Variants in DIAPH1 observed in about 807,000 individuals in gnomAD.
DIAPH1 encodes the protein diaphanous related formin 1.
DIAPH1 carries 46 observed loss-of-function variants against 140.7 expected under a neutral mutation model. The ratio of observed to expected loss-of-function variants is 0.33; its 90% CI spans 0.26 to 0.42. The LOEUF (loss-of-function observed/expected upper bound fraction) is 0.42, where lower values mean the gene tolerates loss of function less well. Ranked by LOEUF, DIAPH1 falls within the 10% of genes least tolerant of loss-of-function variation. The pLI, the probability that DIAPH1 is intolerant of heterozygous loss-of-function variation, is 1.00. For synonymous variants in DIAPH1, 565 were observed against 551.6 expected (o/e 1.02, Z -0.34); for missense variants, 1,310 against 1,558.7 (o/e 0.84, Z 2.69).
At chr5:141,526,572 A>G in intron 24 of DIAPH1, 111 bp from the exon 25 acceptor site, 1 of 1,335,774 alleles carries the variant, frequency 7.5e-7, no homozygotes, top group Non-Finnish European at 1.1e-6. Context: ...TGTTCAATAC[A>G]GCACTGTTTA....
Position 141,524,049 on chromosome 5 carries a change from G to A in DIAPH1, c.3661+94C>T, listed in dbSNP as rs952414113. 3.9e-6 allele frequency: 4 copies of A among 1,035,196 alleles called. No homozygotes were observed. The African/African-American group carries it at 4.7e-5, about 12-fold the overall frequency. 64.1% of individuals were successfully genotyped at this position (1,035,196 alleles called of 1,614,324 possible). On this transcript the variant is annotated intron_variant, in intron 27 of 27. Coordinates refer to ENST00000389054, the MANE Select transcript of DIAPH1 (RefSeq NM_005219.5). ...GATGCAGGGACTAAAAAGATGCTTA[G>A]AGCATCATTATTTGCTCTTTAGCCG...
intron 18 of DIAPH1, among the ~76,000 whole-genome samples, chr5:141,553,358 G>T (rs1596360220): frequency 1.4e-5 from 2 of 147,868 alleles, no homozygotes; most frequent in Admixed American, 1.4e-4. Context: ...AAACAGTCTC[G>T]GCCGGGCATG....
intron 1 of DIAPH1, among the ~76,000 whole-genome samples, chr5:141,605,536 G>C (rs1466408873): frequency 6.6e-6 from 1 of 152,150 alleles, no homozygotes; most frequent in Non-Finnish European, 1.5e-5. Context: ...GTGGTATTTT[G>C]CTTAAGGAAA....
At chr5:141,607,629 C>T (rs1222298786) in intron 1 of DIAPH1, among the ~76,000 whole-genome samples, 1 of 152,286 alleles carries the variant, frequency 6.6e-6, no homozygotes, top group African/African-American at 2.4e-5. Flanking sequence ...CCTTAAAGCC[C>T]TTACCAGGGA....
chr5:141,577,986 CT>C (rs1269326480), intron 11 of DIAPH1: 1 of 590,672 alleles, frequency 1.7e-6, no homozygotes, highest in African/African-American at 1.9e-5. Context: ...GAAGTTTACA[CT>C]GATTTTGATG....
intron 19 of DIAPH1, among the ~76,000 whole-genome samples, chr5:141,532,920 G>C (rs2099888454): frequency 6.6e-6 from 1 of 152,198 alleles, no homozygotes; most frequent in Non-Finnish European, 1.5e-5. Context: ...CTCTTGGGAA[G>C]AGGAACTGAC....
rs934182700 is a variant in DIAPH1, at chr5:141,572,053, G to A, written c.2359-13C>T. The A allele has an allele frequency of 1.9e-6, 3 of 1,586,088 alleles. No homozygotes were observed. The highest frequency in any genetic ancestry group is 2.6e-6 in the Non-Finnish European group (3 of 1,154,434). ...CCTCAGCCACAAGCTGTGGATAAAG[G>A]CAGGGTGTTAAGAATTAGTAAACTG... On this transcript the variant is annotated splice_polypyrimidine_tract_variant and intron_variant, in intron 16 of 27. Coordinates refer to ENST00000389054, the MANE Select transcript of DIAPH1 (RefSeq NM_005219.5).
chr5:141,529,786 TAACAG>T (rs2099887920), intron 19 of DIAPH1, 89 bp from the exon 20 acceptor site: 1 of 1,201,424 alleles, frequency 8.3e-7, no homozygotes, highest in South Asian at 1.2e-5. Context: ...ATAATCTTCC[TAACAG>T]GGCTCTTTTA....
At chr5:141,595,695 C>A (rs2099899206) in intron 1 of DIAPH1, among the ~76,000 whole-genome samples, 1 of 152,122 alleles carries the variant, frequency 6.6e-6, no homozygotes. Flanking sequence ...GAGGCCTTCC[C>A]AGCAATGCAG....
At chr5:141,522,654 T>A (rs1344587183) in intron 27 of DIAPH1, among the ~76,000 whole-genome samples, 1 of 150,104 alleles carries the variant, frequency 6.7e-6, no homozygotes, top group Admixed American at 6.6e-5. Context: ...TAAGGCCACA[T>A]CACCTTGTGT....
intron 1 of DIAPH1, among the ~76,000 whole-genome samples, chr5:141,602,366 T>C (rs2099900284): frequency 1.3e-5 from 2 of 152,230 alleles, no homozygotes; most frequent in Admixed American, 6.6e-5. Context: ...CAGGCGCCCA[T>C]CACCTCACTC....
chr5:141,534,439 A>G lies in DIAPH1; in HGVS notation c.2483-6T>C. The stretch of plus-strand genomic sequence containing the variant: ...ACCTTCTTGATCCTTCTTGGCTAGC[A>G]GGGAAAAGATTAGAAAAGCATGATT... On this transcript the variant is annotated splice_polypyrimidine_tract_variant and splice_region_variant and intron_variant, in intron 18 of 27. Transcript: ENST00000389054. 1 of 1,612,132 alleles carries G rather than the reference A, an allele frequency of 6.2e-7. No individual in the cohort carries two copies. Among genetic ancestry groups the G allele is most frequent in the Non-Finnish European group, 8.5e-7 (1 of 1,178,906 alleles).
At chr5:141,606,065 A>G (rs1442597807) in intron 1 of DIAPH1, among the ~76,000 whole-genome samples, 1 of 152,204 alleles carries the variant, frequency 6.6e-6, no homozygotes, top group Non-Finnish European at 1.5e-5. Flanking sequence ...ATGCAAAATG[A>G]AATAATTTTA....
chr5:141,540,705 T>C (rs988981332), intron 18 of DIAPH1, among the ~76,000 whole-genome samples: 2 of 150,776 alleles, frequency 1.3e-5, no homozygotes, highest in Non-Finnish European at 3.0e-5. Context: ...CATGAGCCAC[T>C]GCACCTGGTC....
At chr5:141,557,233 C>A (rs964215048) in intron 18 of DIAPH1, among the ~76,000 whole-genome samples, 1 of 152,084 alleles carries the variant, frequency 6.6e-6, no homozygotes, top group East Asian at 1.9e-4. Flanking sequence ...TAATTATCTT[C>A]TTTTAAAAGT....
intron 18 of DIAPH1, among the ~76,000 whole-genome samples, chr5:141,551,175 C>A (rs1012956970): frequency 6.6e-6 from 1 of 152,232 alleles, no homozygotes; most frequent in Non-Finnish European, 1.5e-5. Flanking sequence ...CTGGGCCGGG[C>A]TCAGTGGCTT....
chr5:141,542,419 TG>T (rs1163795664), intron 18 of DIAPH1, among the ~76,000 whole-genome samples: 1 of 147,222 alleles, frequency 6.8e-6, no homozygotes, highest in East Asian at 2.0e-4. Context: ...GGCAACAGAG[TG>T]GGACTCTGTC....
At position 141,573,521 on chromosome 5, in the gene DIAPH1, C is replaced by T; in HGVS notation, c.2329G>A (p.Val777Met). The change falls in exon 16 of 28, where the codon GTG becomes ATG. Residue 777 changes from valine (V) to methionine (M), a missense_variant. Physicochemically the swap from Val to Met is conservative, Grantham distance 21 (BLOSUM62 1). This residue lies in a region of DIAPH1 where 589 missense variants were observed against 549.3 expected (regional missense o/e 1.07). Transcript: ENST00000389054. Reference protein sequence around the residue: ...LTPKKLYKPEVQLRRPNWSKL... With the variant: ...LTPKKLYKPEMQLRRPNWSKL... ...GACCAGTTTGGCCTCCGGAGCTGCA[C>T]CTCTGGCTTATAAAGCTTTTTGGGG... 6.2e-7 allele frequency: 1 copy of T among 1,613,274 alleles called. No homozygotes were observed. The highest frequency in any genetic ancestry group is 1.1e-5 in the South Asian group (1 of 91,046).
intron 1 of DIAPH1, among the ~76,000 whole-genome samples, chr5:141,602,416 C>T (rs754307061): frequency 6.6e-6 from 1 of 152,096 alleles, no homozygotes; most frequent in Admixed American, 6.6e-5. Flanking sequence ...GGGGTTTCAC[C>T]GTATTAGCCA....
Sources: allele counts gnomAD v4.1 joint callset (sites outside exome capture counted in the v4.1 genomes callset), GRCh38; gene constraint gnomAD v4.1.1; regional missense constraint gnomAD v4.1.1; transcripts MANE v1.5; gene names NCBI Gene and HGNC (gene_info 2026-07-23, HGNC 2026-07-21).